Variants in ATG2B observed in about 807,000 individuals in gnomAD.
ATG2B encodes the protein autophagy-related protein 2 homolog B.
A neutral mutation model predicts 241.3 loss-of-function variants in ATG2B; 121 were observed. The observed-to-expected ratio is 0.50, with a 90% CI of 0.43 to 0.58. ATG2B has a LOEUF of 0.58. Ranked by LOEUF, ATG2B falls within the 20% of genes least tolerant of loss-of-function variation. ATG2B has a pLI of 0.00. For synonymous variants in ATG2B, 858 were observed against 876.6 expected (o/e 0.98, Z 0.37); for missense variants, 2,306 against 2,491.6 (o/e 0.93, Z 1.59).
chr14:96,345,491 AT>A, intron 2 of ATG2B, 106 bp from the exon 3 acceptor site: 1 of 846,604 alleles, frequency 1.2e-6, no homozygotes, highest in Non-Finnish European at 1.7e-6. Flanking sequence ...CTTTTAAGAG[AT>A]TTTTAACATC....
rs368626903 is a variant in ATG2B at position 96,289,641 on chromosome 14, C to A, written c.6006+15G>T. On this transcript the variant is annotated intron_variant, in intron 41 of 41. Coordinates refer to ENST00000359933, the MANE Select transcript of ATG2B (RefSeq NM_018036.7). The surrounding 1 kb of genome is among the most constrained non-coding windows in gnomAD (Gnocchi z 4.3). ...ACAGAAGGGTTCTGATGTGTCCACC[C>A]AAGTATTCAGTTACCTCTTTCACAA... 142 of 1,613,686 alleles carry A rather than the reference C, an allele frequency of 8.8e-5. No individual in the cohort carries two copies. The highest frequency in any genetic ancestry group is 1.0e-4 in the Non-Finnish European group (121 of 1,179,848).
chr14:96,289,871 A>G lies in ATG2B; in HGVS notation c.5857-66T>C. 6.5e-7 allele frequency: 1 copy of G among 1,549,264 alleles called. No homozygotes were observed. Among genetic ancestry groups the G allele is most frequent in the Non-Finnish European group, 8.8e-7 (1 of 1,130,000 alleles). On this transcript the variant is annotated intron_variant, in intron 40 of 41. Transcript: ENST00000359933. This position sits in a 1 kb window ranked among gnomAD's most constrained non-coding sequence, Gnocchi z 4.3. ...AGTCTGAAGAGTTACGGACCAGCAG[A>G]GCACTTCCTACAGGGAGTGAGGAAG...
Position 96,351,816 on chromosome 14 carries a change from C to T in ATG2B, c.163-4475G>A, listed in dbSNP as rs554408963. Among the ~76,000 whole-genome samples, 16 of 150,274 alleles carry T rather than the reference C, an allele frequency of 1.1e-4. No homozygotes were observed. The South Asian group carries it at 1.9e-3, about 18-fold the overall frequency. On this transcript the variant is annotated intron_variant, in intron 1 of 41. Coordinates refer to ENST00000359933, the MANE Select transcript of ATG2B (RefSeq NM_018036.7). Reference sequence around the variant, plus strand: ...CTTGGCGGGCTAAGGTGGGGATAATCGCTTGATCCCAGGAGGTCAAGGCTG... The same window carrying T: ...CTTGGCGGGCTAAGGTGGGGATAATTGCTTGATCCCAGGAGGTCAAGGCTG...
At chr14:96,314,011 G>T (rs1887235520) in intron 23 of ATG2B, among the ~76,000 whole-genome samples, 1 of 152,050 alleles carries the variant, frequency 6.6e-6, no homozygotes, top group African/African-American at 2.4e-5. Flanking sequence ...TGTATACCTA[G>T]CTCAGTCTAA....
intron 6 of ATG2B, among the ~76,000 whole-genome samples, chr14:96,339,323 C>T (rs527325470): frequency 2.0e-5 from 3 of 150,722 alleles, no homozygotes; most frequent in Admixed American, 6.6e-5. Flanking sequence ...TATACACACA[C>T]ATATATACAC....
At chr14:96,345,206 T>G in intron 3 of ATG2B, 27 bp downstream of exon 3, 1 of 1,590,124 alleles carries the variant, frequency 6.3e-7, no homozygotes, top group Non-Finnish European at 8.5e-7. Context: ...AAATCTAAAT[T>G]TTTGAAAATT....
intron 33 of ATG2B, 85 bp downstream of exon 33, chr14:96,302,976 T>C: frequency 2.0e-6 from 2 of 993,242 alleles, no homozygotes; most frequent in Non-Finnish European, 1.4e-6. Context: ...CTAGTAATTT[T>C]CCCTACTTTA....
In ATG2B at chr14:96,357,241, T is replaced by G. The variant is rs117948189; in HGVS notation, c.162+5574A>C. Among the ~76,000 whole-genome samples, 314 of 152,288 alleles carry G rather than the reference T, an allele frequency of 2.1e-3. 3 individuals are homozygous for G. In the East Asian group the frequency reaches 0.036, roughly 17 times the overall value. ...CCTTGACTTCTGTAACACTTCACTC[T>G]CTCAATCTTTTTTCTGATCCTTTAC... On this transcript the variant is annotated intron_variant, in intron 1 of 41. Transcript: ENST00000359933.
intron 14 of ATG2B, among the ~76,000 whole-genome samples, 174 bp from the exon 15 acceptor site, chr14:96,326,096 T>C (rs1228643983): frequency 6.6e-6 from 1 of 152,172 alleles, no homozygotes; most frequent in Non-Finnish European, 1.5e-5. Flanking sequence ...AATTTTATAA[T>C]GCAACAACTA....
chr14:96,303,474 A>C (rs959645828), intron 32 of ATG2B, among the ~76,000 whole-genome samples: 3 of 152,096 alleles, frequency 2.0e-5, no homozygotes, highest in Non-Finnish European at 4.4e-5. Flanking sequence ...TTTGCTTTCC[A>C]CAGTTTCAGT....
intron 1 of ATG2B, among the ~76,000 whole-genome samples, chr14:96,361,521 T>C (rs2139916732): frequency 6.6e-6 from 1 of 152,318 alleles, no homozygotes. Context: ...CATAACTGTA[T>C]CAAAAGTATA....
At chr14:96,316,276 CTT>C (rs1297925471) in intron 21 of ATG2B, among the ~76,000 whole-genome samples, 2 of 152,098 alleles carry the variant, frequency 1.3e-5, no homozygotes, top group Non-Finnish European at 2.9e-5. Context: ...TTGCATAACT[CTT>C]GTGAAATACT....
chr14:96,351,732 T>C (rs1374557754), intron 1 of ATG2B, among the ~76,000 whole-genome samples: 2 of 125,900 alleles, frequency 1.6e-5, no homozygotes, highest in Admixed American at 1.5e-4. Context: ...CAAGACTCCG[T>C]CTCAAAAAAA....
intron 1 of ATG2B, among the ~76,000 whole-genome samples, chr14:96,352,160 A>C (rs575876737): frequency 2.6e-5 from 4 of 152,308 alleles, no homozygotes; most frequent in Non-Finnish European, 5.9e-5. Flanking sequence ...CCTTAGTGAC[A>C]TCGCAGCCAT....
chr14:96,359,290 A>G (rs1888562155), intron 1 of ATG2B, among the ~76,000 whole-genome samples: 1 of 151,984 alleles, frequency 6.6e-6, no homozygotes, highest in Non-Finnish European at 1.5e-5. Flanking sequence ...AGGTAGGAGG[A>G]TCGCTTGAGC....
At chr14:96,339,271 AGTGT>A (rs34822684) in intron 6 of ATG2B, among the ~76,000 whole-genome samples, 72,448 of 147,286 alleles carry the variant, frequency 0.49, 17,668 homozygotes, top group Middle Eastern at 0.56. Flanking sequence ...GCAATTCCAC[AGTGT>A]GTGTGTGTGT....
At position 96,309,370 on chromosome 14, in the gene ATG2B, T is replaced by A; in HGVS notation, c.4303+83A>T. On this transcript the variant is annotated intron_variant, in intron 29 of 41. Transcript: ENST00000359933. ...AAAACTCATATGCGTCTTTAATAAG[T>A]GACTTATTAAATTTACGAGAACACA... The A allele has an allele frequency of 1.0e-5, 15 of 1,487,098 alleles. No homozygotes were observed. The Admixed American group carries it at 3.2e-4, about 31-fold the overall frequency. The allele number at this position is 1,487,098 out of a possible 1,614,324, so 92.1% of individuals were successfully genotyped here. A position where few individuals can be genotyped will look rare whatever the true frequency, so the allele number is the denominator to read the frequency against.
intron 6 of ATG2B, among the ~76,000 whole-genome samples, chr14:96,340,030 CAT>C (rs2139890459): frequency 8.5e-6 from 1 of 117,932 alleles, no homozygotes; most frequent in South Asian, 2.6e-4. Context: ...ACACTATTCA[CAT>C]AGTGAATATA....
intron 18 of ATG2B, 131 bp from the exon 19 acceptor site, chr14:96,317,986 C>T (rs1595308797): frequency 6.4e-6 from 4 of 625,664 alleles, no homozygotes; most frequent in South Asian, 6.2e-5. Flanking sequence ...TTAGATCCTA[C>T]AAGAATTTGG....
Sources: allele counts gnomAD v4.1 joint callset (sites outside exome capture counted in the v4.1 genomes callset), GRCh38; gene constraint gnomAD v4.1.1; non-coding constraint Gnocchi (gnomAD v3.1); transcripts MANE v1.5; gene names NCBI Gene and HGNC (gene_info 2026-07-23, HGNC 2026-07-21).